SCML2: variants seen among roughly 807,000 people sequenced by gnomAD.
SCML2 encodes the protein Scm polycomb group protein like 2.
In SCML2, 6 loss-of-function variants were observed where a neutral mutation model predicts 48.4. The ratio of observed to expected loss-of-function variants is 0.12; its 90% CI spans 0.07 to 0.24. SCML2 has a LOEUF of 0.24. Ranked by LOEUF, SCML2 falls within the 10% of genes least tolerant of loss-of-function variation. The pLI is 1.00. For missense variants in SCML2, 377 were observed against 528.2 expected, an observed-to-expected ratio of 0.71 and a Z score of 2.81; for synonymous variants, 181 against 189.5, an observed-to-expected ratio of 0.95 and a Z score of 0.37.
In SCML2 at chrX:18,324,471, C is replaced by A. The variant is rs555417403; in HGVS notation, c.163-378G>T. Among the ~76,000 whole-genome samples the A allele has an allele frequency of 3.9e-4, 44 of 111,517 alleles. No homozygotes were observed. The South Asian group carries it at 0.017, about 42-fold the overall frequency. On this transcript the variant is annotated intron_variant, in intron 4 of 14. Coordinates refer to ENST00000251900, the MANE Select transcript of SCML2 (RefSeq NM_006089.3). The stretch of plus-strand genomic sequence containing the variant: ...CCTCAGCACAGTTTAAATGCCCCCA[C>A]ACCTTTAACCTCATTTCCACATTAT...
chrX:18,354,280 T>C (rs1410484951), intron 1 of SCML2, among the ~76,000 whole-genome samples: 1 of 112,763 alleles, frequency 8.9e-6, no homozygotes, highest in African/African-American at 3.2e-5. Context: ...CGGAGGGCGC[T>C]GTCGGCGCTG....
intron 1 of SCML2, among the ~76,000 whole-genome samples, chrX:18,345,253 C>A (rs1410741993): frequency 1.8e-5 from 2 of 111,543 alleles, no homozygotes; most frequent in African/African-American, 6.5e-5. Flanking sequence ...ACATCTCGTT[C>A]TTCTTTATAT....
At chrX:18,304,477 G>C (rs1430932495) in intron 7 of SCML2, among the ~76,000 whole-genome samples, 2 of 111,762 alleles carry the variant, frequency 1.8e-5, no homozygotes, top group African/African-American at 3.3e-5. Flanking sequence ...GGCTTCCACA[G>C]AGTCAAAAAT....
At chrX:18,257,627 C>G (rs1483003031) in intron 10 of SCML2, among the ~76,000 whole-genome samples, 4 of 110,082 alleles carry the variant, frequency 3.6e-5, no homozygotes, top group Non-Finnish European at 5.7e-5. Context: ...GTGGCTCACA[C>G]CTGTAATCCC....
At chrX:18,280,459 T>C (rs188316639) in intron 7 of SCML2, among the ~76,000 whole-genome samples, 97 of 111,872 alleles carry the variant, frequency 8.7e-4, no homozygotes, top group African/African-American at 3.1e-3. Context: ...TGCAATTAAG[T>C]CTACATAACA....
chrX:18,346,060 C>A (rs983173675), intron 1 of SCML2, among the ~76,000 whole-genome samples: 1 of 110,931 alleles, frequency 9.0e-6, no homozygotes, highest in East Asian at 2.8e-4. Context: ...TAAGCCACGG[C>A]GCTCGGCCGA....
rs937966429 is a variant in SCML2, at chrX:18,240,089, T to C, written c.*1162A>G. ...GAACTAAGCAAATTAATTAGAAACA[T>C]TGCATAGGACAGAGAACTTCCCTGT... On this transcript the variant is annotated 3_prime_UTR_variant, in exon 15 of 15. Coordinates refer to ENST00000251900, the MANE Select transcript of SCML2 (RefSeq NM_006089.3). 6 of 112,493 alleles carry C rather than the reference T, an allele frequency of 5.3e-5. No homozygotes were observed. The highest frequency in any genetic ancestry group is 7.5e-5 in the Non-Finnish European group (4 of 53,282). The allele number at this position is 112,493 out of a possible 1,213,427, so 9.3% of individuals were successfully genotyped here.
chrX:18,297,572 TAAAC>T (rs1422539649), intron 7 of SCML2, among the ~76,000 whole-genome samples: 4 of 112,114 alleles, frequency 3.6e-5, no homozygotes, highest in Non-Finnish European at 7.5e-5. Flanking sequence ...TTAGATCTAA[TAAAC>T]AAATTCAGTA....
intron 11 of SCML2, among the ~76,000 whole-genome samples, chrX:18,248,284 G>C (rs1165360313): frequency 1.8e-5 from 2 of 111,829 alleles, no homozygotes; most frequent in Non-Finnish European, 3.8e-5. Flanking sequence ...ATTTTGTTAA[G>C]TAACAATCCT....
chrX:18,313,009 G>A (rs751638958), intron 6 of SCML2, among the ~76,000 whole-genome samples: 43 of 92,183 alleles, frequency 4.7e-4, no homozygotes, highest in African/African-American at 1.5e-3. Flanking sequence ...GTGTGTGTGC[G>A]CGTGTGTGTG....
chrX:18,246,569 G>A lies in SCML2; in HGVS notation c.1822+8C>T. 8.4e-7 allele frequency: 1 copy of A among 1,186,232 alleles called. No individual in the cohort carries two copies. The highest frequency in any genetic ancestry group is 1.1e-6 in the Non-Finnish European group (1 of 883,352). ...AAACACATTGAGAGTCACTATTTTT[G>A]AACATACCTTCACTTTTCCTCTGCA... On this transcript the variant is annotated splice_region_variant and intron_variant, in intron 13 of 14. Coordinates refer to ENST00000251900, the MANE Select transcript of SCML2 (RefSeq NM_006089.3).
At chrX:18,336,087 G>A (rs755049707) in intron 1 of SCML2, among the ~76,000 whole-genome samples, 1 of 111,760 alleles carries the variant, frequency 8.9e-6, no homozygotes, top group South Asian at 3.7e-4. Flanking sequence ...CAAATATTTG[G>A]TCAATTGATT....
chrX:18,305,693 G>A (rs951830694), intron 6 of SCML2, among the ~76,000 whole-genome samples: 6 of 107,675 alleles, frequency 5.6e-5, no homozygotes, highest in Middle Eastern at 4.7e-3. Context: ...GAAAAGAAAC[G>A]ACATCAGATA....
rs148212410 is a variant in SCML2 at position 18,291,004 on chromosome X, A to G, written c.730+13968T>C. Among the ~76,000 whole-genome samples, 48 of 111,951 alleles carry G rather than the reference A, an allele frequency of 4.3e-4. 2 individuals carry two copies. The East Asian group carries it at 0.013, about 29-fold the overall frequency. On this transcript the variant is annotated intron_variant, in intron 7 of 14. Coordinates refer to ENST00000251900, the MANE Select transcript of SCML2 (RefSeq NM_006089.3). ...GCTTACAGGGCATTCCTAAATTTCT[A>G]TTATTTTTTAGAGAGAACTAAAATA...
At chrX:18,252,402 A>G (rs112355888) in intron 11 of SCML2, among the ~76,000 whole-genome samples, 9 of 112,911 alleles carry the variant, frequency 8.0e-5, no homozygotes, top group African/African-American at 2.9e-4. Flanking sequence ...AAGACAGAAG[A>G]AAGTCAATAA....
At position 18,320,316 on chromosome X, in the gene SCML2, A is replaced by G; in HGVS notation, c.486+16T>C. ...AACAATAAAAACATGGCAGCTTTTT[A>G]TAACATCTTTCTTACCTTCTTAAAT... On this transcript the variant is annotated intron_variant, in intron 6 of 14. Transcript: ENST00000251900. 1 of 1,037,788 alleles carries G rather than the reference A, an allele frequency of 9.6e-7. No individual in the cohort carries two copies. Among genetic ancestry groups the G allele is most frequent in the Non-Finnish European group, 1.3e-6 (1 of 763,372 alleles). 85.5% of individuals were successfully genotyped at this position (1,037,788 alleles called of 1,213,427 possible). A position where few individuals can be genotyped will look rare whatever the true frequency, so the allele number is the denominator to read the frequency against.
At chrX:18,278,691 G>A (rs1286144006) in intron 7 of SCML2, among the ~76,000 whole-genome samples, 4 of 112,506 alleles carry the variant, frequency 3.6e-5, no homozygotes, top group Non-Finnish European at 7.5e-5. Flanking sequence ...GCAGGTGCAC[G>A]GCACAGCCCC....
chrX:18,342,588 T>C (rs1930051380), intron 1 of SCML2, among the ~76,000 whole-genome samples: 1 of 110,354 alleles, frequency 9.1e-6, no homozygotes, highest in South Asian at 3.9e-4. Context: ...GGTGAGTGCC[T>C]GTAAGCTCAG....
intron 1 of SCML2, among the ~76,000 whole-genome samples, chrX:18,346,901 T>G (rs1452657186): frequency 8.9e-6 from 1 of 111,927 alleles, no homozygotes; most frequent in African/African-American, 3.2e-5. Flanking sequence ...TTGTTTCTGG[T>G]AATAGTGATT....
Sources: gnomAD v4.1 joint callset for allele counts (sites outside exome capture counted in the v4.1 genomes callset) on GRCh38, gnomAD v4.1.1 for gene constraint, MANE v1.5 for transcripts, NCBI Gene and HGNC (gene_info 2026-07-23, HGNC 2026-07-21) for gene names.